Variants in SRR observed in about 807,000 individuals in gnomAD.
The protein encoded by SRR is serine racemase, also known as D-serine ammonia-lyase.
A neutral mutation model predicts 32.7 loss-of-function variants in SRR; 19 were observed. The ratio of observed to expected loss-of-function variants is 0.58; its 90% CI spans 0.40 to 0.85. The LOEUF is 0.85. Ranked by LOEUF, SRR falls within the 40% of genes least tolerant of loss-of-function variation. SRR has a pLI of 0.00. For synonymous variants in SRR, 142 were observed against 140.9 expected, an observed-to-expected ratio of 1.01 and a Z score of -0.06; for missense variants, 373 against 404.7, an observed-to-expected ratio of 0.92 and a Z score of 0.67.
chr17:2,319,030 C>G, intron 4 of SRR, 101 bp downstream of exon 4: 1 of 774,254 alleles, frequency 1.3e-6, no homozygotes, highest in Non-Finnish European at 2.2e-6. Context: ...TTGTGGTTTC[C>G]CCTTTATTTC....
chr17:2,324,389 G>T lies in SRR; in HGVS notation c.*516G>T. ...GCCATGGGTACCTAGAAAGACATCA[G>T]AACAAGTCGGTCAAATTAAAAGTAG... On this transcript the variant is annotated 3_prime_UTR_variant, in exon 8 of 8. Coordinates refer to ENST00000344595, the MANE Select transcript of SRR (RefSeq NM_021947.3). The T allele has an allele frequency of 1.3e-6, 2 of 1,589,490 alleles. No individual in the cohort carries two copies. The highest frequency in any genetic ancestry group is 1.7e-6 in the Non-Finnish European group (2 of 1,169,126).
At chr17:2,303,801 G>C, upstream of SRR, 2 of 1,209,252 alleles carry the variant, frequency 1.7e-6, no homozygotes, top group Non-Finnish European at 2.2e-6. Flanking sequence ...GGCGGCGCGC[G>C]CGCTCGCCCA....
At chr17:2,311,520 G>A (rs2075433725) in intron 1 of SRR, among the ~76,000 whole-genome samples, 1 of 151,926 alleles carries the variant, frequency 6.6e-6, no homozygotes. Flanking sequence ...GTGCACCTGT[G>A]GTCCCAGCTA....
rs773340216 is a variant in SRR at position 2,324,368 on chromosome 17, T to C, written c.*495T>C. ...ATCAAAGCTGCATTTCATGTGGCCA[T>C]GGGTACCTAGAAAGACATCAGAACA... On this transcript the variant is annotated 3_prime_UTR_variant, in exon 8 of 8. Coordinates refer to ENST00000344595, the MANE Select transcript of SRR (RefSeq NM_021947.3). The C allele has an allele frequency of 6.4e-6, 10 of 1,573,236 alleles. No individual in the cohort carries two copies. Among genetic ancestry groups the C allele is most frequent in the Admixed American group, 1.9e-5 (1 of 53,764 alleles).
chr17:2,314,483 T>C (rs892699599), intron 1 of SRR, among the ~76,000 whole-genome samples: 22 of 150,758 alleles, frequency 1.5e-4, no homozygotes, highest in Admixed American at 4.7e-4. Flanking sequence ...CCAGGGAGGC[T>C]GAGGCAGGAG....
chr17:2,323,622 T>G lies in SRR; in HGVS notation c.805-33T>G, dbSNP rs776588530. ...ATAGGTAAACCAACTAGACTCCCCT[T>G]TCACTAATTCCTACTCCCTTCCATA... On this transcript the variant is annotated intron_variant, in intron 7 of 7. Transcript: ENST00000344595. 5.0e-6 allele frequency: 8 copies of G among 1,606,734 alleles called. No homozygotes were observed. The Admixed American group carries it at 1.2e-4, about 23-fold the overall frequency.
intron 1 of SRR, 178 bp from the exon 2 acceptor site, chr17:2,315,379 A>T (rs2075465164): frequency 1.9e-6 from 1 of 537,770 alleles, no homozygotes; most frequent in Non-Finnish European, 3.0e-6. Flanking sequence ...CACCAGAAAA[A>T]CTTCGTTCAG....
intron 1 of SRR, 143 bp downstream of exon 1, chr17:2,304,160 C>G (rs1252104449): frequency 6.4e-6 from 1 of 156,174 alleles, no homozygotes; most frequent in Non-Finnish European, 1.4e-5. Flanking sequence ...CTCTGGACAC[C>G]TTAGGCCAGG....
At chr17:2,317,523 A>T (rs866115943) in intron 2 of SRR, among the ~76,000 whole-genome samples, 41 of 150,606 alleles carry the variant, frequency 2.7e-4, no homozygotes, top group African/African-American at 1.0e-3. Context: ...TAAAAAAATA[A>T]AAAAAAAAAA....
In SRR at chr17:2,321,629, T is replaced by G. The variant is rs762405719; in HGVS notation, c.594+13T>G. 1 of 1,613,226 alleles carries G rather than the reference T, an allele frequency of 6.2e-7. No homozygotes were observed. The highest frequency in any genetic ancestry group is 8.5e-7 in the Non-Finnish European group (1 of 1,179,426). On this transcript the variant is annotated intron_variant, in intron 6 of 7. Transcript: ENST00000344595. ...AATTACAGTTAAGGTGAGCAGCTTC[T>G]GGAGGATTCCCTGCTTCAAGCAGAG...
chr17:2,305,731 C>T (rs563608962), intron 1 of SRR, among the ~76,000 whole-genome samples: 1 of 152,084 alleles, frequency 6.6e-6, no homozygotes, highest in Non-Finnish European at 1.5e-5. Flanking sequence ...CGGAGTTTCA[C>T]TCTTGTTGCC....
At chr17:2,319,819 T>C (rs906052564) in intron 4 of SRR, among the ~76,000 whole-genome samples, 91 of 103,974 alleles carry the variant, frequency 8.8e-4, no homozygotes, top group African/African-American at 2.6e-3. Context: ...AACTTGTCTC[T>C]TCTTTTTTTT....
At chr17:2,318,713 G>A (rs974982482) in intron 3 of SRR, 113 bp from the exon 4 acceptor site, 22 of 551,970 alleles carry the variant, frequency 4.0e-5, no homozygotes, top group Admixed American at 1.6e-4. Flanking sequence ...CTTGTGATCC[G>A]CCTGCCTCAG....
Position 2,303,996 on chromosome 17 carries a change from G to A in SRR, c.-26G>A, listed in dbSNP as rs1211983735. On this transcript the variant is annotated 5_prime_UTR_variant, in exon 1 of 8. Coordinates refer to ENST00000344595, the MANE Select transcript of SRR (RefSeq NM_021947.3). ...GAGGCGCGCGGAGGCTGGAGCTGGA[G>A]GCGCGGCGCCGGTGAGCTGAGGTGA... 2 of 330,642 alleles carry A rather than the reference G, an allele frequency of 6.0e-6. No individual in the cohort carries two copies. Among genetic ancestry groups the A allele is most frequent in the African/African-American group, 2.2e-5 (1 of 45,630 alleles). 20.5% of individuals were successfully genotyped at this position (330,642 alleles called of 1,614,324 possible).
At chr17:2,320,565 TTTTA>T (rs1028810247) in intron 4 of SRR, among the ~76,000 whole-genome samples, 1 of 150,864 alleles carries the variant, frequency 6.6e-6, no homozygotes, top group Non-Finnish European at 1.5e-5. Flanking sequence ...CTCATCTTCT[TTTTA>T]TTTATTTTGA....
rs374738239 is a variant in SRR, at chr17:2,323,096, G to T, written c.595-40G>T. 1.0e-4 allele frequency: 161 copies of T among 1,596,540 alleles called. 1 individual carries two copies. In the African/African-American group the frequency reaches 1.8e-3, roughly 18 times the overall value. ...TTCTTTTAGACATGCAGGCAATGTT[G>T]TGGTTTGTTGTTAAGATGTCTTAAT... On this transcript the variant is annotated intron_variant, in intron 6 of 7. Transcript: ENST00000344595.
At chr17:2,314,727 G>A (rs557499253) in intron 1 of SRR, among the ~76,000 whole-genome samples, 7 of 150,936 alleles carry the variant, frequency 4.6e-5, no homozygotes, top group South Asian at 4.2e-4. Flanking sequence ...CACTCCAGCC[G>A]GGACAACAGG....
chr17:2,323,672 G>A lies in SRR; in HGVS notation c.822G>A (p.Val274=), dbSNP rs1240662744. Residue 274 remains valine (V), a synonymous_variant, in exon 8 of 8, where the codon GTG becomes GTA. Coordinates refer to ENST00000344595, the MANE Select transcript of SRR (RefSeq NM_021947.3). ...ATCAACAGTGTGCAACCCAGCTGGT[G>A]TGGGAGAGGATGAAACTACTCATTG... is the stretch of plus-strand genomic sequence containing the variant. ...EDEIKCATQL[V]WERMKLLIEP... is the part of the protein sequence containing the mutation. 1 of 1,614,160 alleles carries A rather than the reference G, an allele frequency of 6.2e-7. No homozygotes were observed.
intron 2 of SRR, among the ~76,000 whole-genome samples, chr17:2,317,319 G>A (rs987863262): frequency 6.6e-6 from 1 of 151,402 alleles, no homozygotes; most frequent in African/African-American, 2.4e-5. Flanking sequence ...AGACCATCCT[G>A]GCTAACACGG....
Sources: allele counts gnomAD v4.1 joint callset (sites outside exome capture counted in the v4.1 genomes callset), GRCh38; gene constraint gnomAD v4.1.1; transcripts MANE v1.5; gene names NCBI Gene and HGNC (gene_info 2026-07-23, HGNC 2026-07-21).